The following ZNF521 variants were observed in gnomAD, a reference collection of about 807,000 sequenced individuals.
ZNF521 encodes the protein LYST-interacting protein 3.
Under a neutral mutation model 105.5 loss-of-function variants are expected in ZNF521, and 14 were observed. The ratio of observed to expected loss-of-function variants is 0.13; its 90% CI spans 0.09 to 0.21. The LOEUF is 0.21. Ranked by LOEUF, ZNF521 falls within the 10% of genes least tolerant of loss-of-function variation. The probability of loss-of-function intolerance (pLI) is 1.00; values close to 1 mark genes in which losing one functional copy is unlikely to be tolerated. For missense variants in ZNF521, 1,233 were observed against 1,629.7 expected (o/e 0.76, Z 4.19); for synonymous variants, 635 against 606.0 (o/e 1.05, Z -0.70).
intron 5 of ZNF521, among the ~76,000 whole-genome samples, 175 bp downstream of exon 5, chr18:25,194,985 A>T (rs1390344901): frequency 6.6e-6 from 1 of 151,714 alleles, no homozygotes; most frequent in Non-Finnish European, 1.5e-5. Flanking sequence ...CCTTGCAGAA[A>T]ATAAAATGTG....
chr18:25,225,120 T>C lies in ZNF521; in HGVS notation c.2798A>G (p.Asn933Ser). ...GGAGAAGAAGGTTCGAGAGCACACGTTGCACTTGTAATTCCCTTTAATGAG... is the reference window on the plus strand; with the variant it reads ...GGAGAAGAAGGTTCGAGAGCACACGCTGCACTTGTAATTCCCTTTAATGAG... ...AELIKGNYKC[N>S]VCSRTFFSEN... The change falls in exon 4 of 8, where the codon AAC becomes AGC. Residue 933 changes from asparagine (N) to serine (S), a missense_variant. This residue lies in a region of ZNF521 where 614 missense variants were observed against 751.5 expected (regional missense o/e 0.82). Coordinates refer to ENST00000361524, the MANE Select transcript of ZNF521 (RefSeq NM_015461.3). This position sits in a 1 kb window ranked among gnomAD's most constrained non-coding sequence, Gnocchi z 5.6. 6.8e-6 allele frequency: 11 copies of C among 1,614,176 alleles called. No homozygotes were observed. Among genetic ancestry groups the C allele is most frequent in the South Asian group, 1.1e-5 (1 of 91,068 alleles).
chr18:25,085,270 A>G (rs1169947409), intron 7 of ZNF521, among the ~76,000 whole-genome samples: 1 of 150,452 alleles, frequency 6.6e-6, no homozygotes, highest in African/African-American at 2.4e-5. Flanking sequence ...TTTATATTAT[A>G]CACATTATAT....
intron 3 of ZNF521, among the ~76,000 whole-genome samples, chr18:25,273,254 C>T (rs77942265): frequency 1.4e-5 from 1 of 72,546 alleles, no homozygotes; most frequent in Non-Finnish European, 2.9e-5. Flanking sequence ...AAAAAAAAGA[C>T]ATTTTAAATA....
chr18:25,096,668 C>A (rs2033857693), intron 5 of ZNF521, among the ~76,000 whole-genome samples: 1 of 152,148 alleles, frequency 6.6e-6, no homozygotes, highest in African/African-American at 2.4e-5. Context: ...CTGGGGGCCC[C>A]CTTATATCGT....
At chr18:25,192,729 T>C (rs2035840038) in intron 5 of ZNF521, among the ~76,000 whole-genome samples, 1 of 149,962 alleles carries the variant, frequency 6.7e-6, no homozygotes, top group South Asian at 2.1e-4. Context: ...AACCTAAAAA[T>C]ACCTACCCTC....
chr18:25,152,084 CTG>C (rs2035057827), intron 5 of ZNF521, among the ~76,000 whole-genome samples: 1 of 152,180 alleles, frequency 6.6e-6, no homozygotes, highest in African/African-American at 2.4e-5. Flanking sequence ...TGAACCCTCA[CTG>C]TGGAATCTTT....
At chr18:25,140,089 A>T (rs920327890) in intron 5 of ZNF521, among the ~76,000 whole-genome samples, 1 of 152,176 alleles carries the variant, frequency 6.6e-6, no homozygotes, top group Non-Finnish European at 1.5e-5. Context: ...GGTATATAGC[A>T]GCGCAAATGG....
chr18:25,295,413 G>A (rs1911270563), intron 3 of ZNF521, among the ~76,000 whole-genome samples: 1 of 152,020 alleles, frequency 6.6e-6, no homozygotes, highest in Admixed American at 6.6e-5. Context: ...AGCACAACAG[G>A]ATGACTATAG....
intron 5 of ZNF521, among the ~76,000 whole-genome samples, chr18:25,139,834 A>C (rs1451557184): frequency 6.6e-6 from 1 of 152,110 alleles, no homozygotes; most frequent in East Asian, 1.9e-4. Flanking sequence ...TGGTATTAGG[A>C]GGTATTAGGC....
intron 5 of ZNF521, among the ~76,000 whole-genome samples, chr18:25,165,011 CTAAG>C (rs2144536423): frequency 6.6e-6 from 1 of 152,280 alleles, no homozygotes; most frequent in Non-Finnish European, 1.5e-5. Flanking sequence ...TCGTGTGTGG[CTAAG>C]TATGTCAGAG....
At chr18:25,324,421 G>C (rs926252450) in intron 2 of ZNF521, among the ~76,000 whole-genome samples, 1 of 150,490 alleles carries the variant, frequency 6.6e-6, no homozygotes, top group African/African-American at 2.4e-5. Flanking sequence ...AAATGGCAAT[G>C]ATTCAAAGAT....
At chr18:25,164,286 T>C (rs957828190) in intron 5 of ZNF521, among the ~76,000 whole-genome samples, 2 of 152,158 alleles carry the variant, frequency 1.3e-5, no homozygotes, top group African/African-American at 4.8e-5. Flanking sequence ...GAAGCATGTC[T>C]AAAGATGTCC....
chr18:25,299,517 TG>T (rs1911509824), intron 3 of ZNF521, among the ~76,000 whole-genome samples: 1 of 152,224 alleles, frequency 6.6e-6, no homozygotes, highest in African/African-American at 2.4e-5. Context: ...ATTACTGTGC[TG>T]TATACAAAAA....
At chr18:25,325,577 C>T (rs1455151889) in intron 2 of ZNF521, among the ~76,000 whole-genome samples, 6 of 152,140 alleles carry the variant, frequency 3.9e-5, no homozygotes, top group African/African-American at 1.4e-4. Flanking sequence ...AAACTCTCTA[C>T]ACTGCAACTA....
intron 3 of ZNF521, among the ~76,000 whole-genome samples, chr18:25,228,217 C>A (rs1357342144): frequency 6.6e-6 from 1 of 152,112 alleles, no homozygotes; most frequent in Non-Finnish European, 1.5e-5. Flanking sequence ...TTCTGCAGAC[C>A]AAAATCTGTT....
At chr18:25,126,621 C>T (rs1320972115) in intron 5 of ZNF521, among the ~76,000 whole-genome samples, 1 of 151,980 alleles carries the variant, frequency 6.6e-6, no homozygotes, top group Non-Finnish European at 1.5e-5. Context: ...TGAATAGGAG[C>T]CACATACAAC....
intron 4 of ZNF521, among the ~76,000 whole-genome samples, chr18:25,220,050 G>A (rs952922778): frequency 3.3e-5 from 5 of 152,130 alleles, no homozygotes; most frequent in Non-Finnish European, 4.4e-5. Context: ...CTCTGGGAGC[G>A]AAGGAGGCCC....
chr18:25,222,267 C>T (rs1376985980), intron 4 of ZNF521, among the ~76,000 whole-genome samples: 3 of 152,110 alleles, frequency 2.0e-5, no homozygotes, highest in East Asian at 3.8e-4. Flanking sequence ...TAAAGATAGG[C>T]TTTCTAAATA....
intron 3 of ZNF521, among the ~76,000 whole-genome samples, chr18:25,245,096 A>G (rs541217467): frequency 1.3e-5 from 2 of 152,232 alleles, no homozygotes; most frequent in South Asian, 4.1e-4. Context: ...GCTATAGCAA[A>G]TTTTCATTGA....
Sources: allele counts gnomAD v4.1 joint callset (sites outside exome capture counted in the v4.1 genomes callset), GRCh38; gene constraint gnomAD v4.1.1; regional missense constraint gnomAD v4.1.1; non-coding constraint Gnocchi (gnomAD v3.1); transcripts MANE v1.5; gene names NCBI Gene and HGNC (gene_info 2026-07-23, HGNC 2026-07-21).